TNFAIP2: variants seen among roughly 807,000 people sequenced by gnomAD.
TNFAIP2 encodes the protein tumor necrosis factor alpha-induced protein 2.
Under a neutral mutation model 63.5 loss-of-function variants are expected in TNFAIP2, and 47 were observed. The observed-to-expected ratio is 0.74, with a 90% CI of 0.59 to 0.94. TNFAIP2 has a LOEUF of 0.94. TNFAIP2 is among the 40% of genes least tolerant of loss of function. The pLI is 0.00. For synonymous variants in TNFAIP2, 405 were observed against 390.2 expected (o/e 1.04, Z -0.45); for missense variants, 787 against 850.2 (o/e 0.93, Z 0.92).
upstream of TNFAIP2, chr14:103,122,743 G>T (rs554252960): frequency 1.0e-4 from 46 of 455,990 alleles, no homozygotes; most frequent in South Asian, 7.1e-4. Context: ...TGCTCCGGCA[G>T]CCTGTGGGTC....
chr14:103,133,218 A>G, intron 9 of TNFAIP2, 144 bp from the exon 10 acceptor site: 1 of 1,040,826 alleles, frequency 9.6e-7, no homozygotes, highest in Non-Finnish European at 1.4e-6. Flanking sequence ...ATGTGAACGC[A>G]CACATGTGGA....
At chr14:103,128,427 C>T (rs528610069) in intron 3 of TNFAIP2, among the ~76,000 whole-genome samples, 108 of 152,288 alleles carry the variant, frequency 7.1e-4, no homozygotes, top group African/African-American at 2.2e-3. Flanking sequence ...TGGGCGTGCC[C>T]GTCATTCGCA....
chr14:103,135,874 G>T lies in TNFAIP2; in HGVS notation c.*514G>T. On this transcript the variant is annotated 3_prime_UTR_variant, in exon 12 of 12. Transcript: ENST00000560869. This position sits in a 1 kb window ranked among gnomAD's most constrained non-coding sequence, Gnocchi z 7.6. ...GAAGACAGAACTGGAAGAGAAAGAAGGAAAAGATGAGCTCTCGTCTGGCAG... is the reference window on the plus strand; with the variant it reads ...GAAGACAGAACTGGAAGAGAAAGAATGAAAAGATGAGCTCTCGTCTGGCAG... 7.7e-7 allele frequency: 1 copy of T among 1,290,388 alleles called. No homozygotes were observed. The highest frequency in any genetic ancestry group is 1.2e-5 in the South Asian group (1 of 81,038). The allele number at this position is 1,290,388 out of a possible 1,614,324, so 79.9% of individuals were successfully genotyped here. A position where few individuals can be genotyped will look rare whatever the true frequency, so the allele number is the denominator to read the frequency against.
Position 103,131,273 on chromosome 14 carries a change from T to C in TNFAIP2, c.1298+123T>C, listed in dbSNP as rs534257447. 8.6e-6 allele frequency: 9 copies of C among 1,050,264 alleles called. No homozygotes were observed. In the African/African-American group the frequency reaches 1.4e-4, roughly 16 times the overall value. 65.1% of individuals were successfully genotyped at this position (1,050,264 alleles called of 1,614,324 possible). A position where few individuals can be genotyped will look rare whatever the true frequency, so the allele number is the denominator to read the frequency against. On this transcript the variant is annotated intron_variant, in intron 7 of 11. Transcript: ENST00000560869. This position sits in a 1 kb window ranked among gnomAD's most constrained non-coding sequence, Gnocchi z 4.0. Reference sequence around the variant, plus strand: ...AAGTGGAATTCAAACCAGCAACATGTGTGAGGACTCCACGGCCTGCAGCAG... The same window carrying C: ...AAGTGGAATTCAAACCAGCAACATGCGTGAGGACTCCACGGCCTGCAGCAG...
Position 103,135,127 on chromosome 14 carries a change from G to A in TNFAIP2, c.1824-92G>A. ...CCCCCTCGTGGGCCGGGCGTTGGCT[G>A]TCGGGCCCTGTGGCACTGGCCGGGA... On this transcript the variant is annotated intron_variant, in intron 11 of 11. Transcript: ENST00000560869. This position sits in a 1 kb window ranked among gnomAD's most constrained non-coding sequence, Gnocchi z 7.6. 2 of 1,549,528 alleles carry A rather than the reference G, an allele frequency of 1.3e-6. No individual in the cohort carries two copies. Among genetic ancestry groups the A allele is most frequent in the Non-Finnish European group, 1.8e-6 (2 of 1,124,872 alleles).
chr14:103,133,020 AC>A, intron 9 of TNFAIP2, 148 bp downstream of exon 9: 1 of 1,327,870 alleles, frequency 7.5e-7, no homozygotes, highest in Non-Finnish European at 1.0e-6. Context: ...GAACACGTGC[AC>A]ATGTGAACAC....
At chr14:103,130,828 G>A (rs1203295281) in intron 6 of TNFAIP2, among the ~76,000 whole-genome samples, 1 of 152,340 alleles carries the variant, frequency 6.6e-6, no homozygotes, top group East Asian at 1.9e-4. Flanking sequence ...CAACTCTAGA[G>A]AGGGCCTGGG....
rs1218861943 is a variant in TNFAIP2, at chr14:103,135,419, G to T, written c.*59G>T. 2.3e-5 allele frequency: 36 copies of T among 1,549,894 alleles called. No homozygotes were observed. The highest frequency in any genetic ancestry group is 3.0e-5 in the Non-Finnish European group (35 of 1,151,276). ...CAGCAAGCCTTGGGCACACCCCGCT[G>T]GGAGCTGTTAAGAGCAGCGCTGGTT... On this transcript the variant is annotated 3_prime_UTR_variant, in exon 12 of 12. Coordinates refer to ENST00000560869, the MANE Select transcript of TNFAIP2 (RefSeq NM_006291.4). This position sits in a 1 kb window ranked among gnomAD's most constrained non-coding sequence, Gnocchi z 7.6.
intron 2 of TNFAIP2, 56 bp from the exon 3 acceptor site, chr14:103,126,948 GC>G: frequency 7.7e-7 from 1 of 1,291,342 alleles, no homozygotes; most frequent in Non-Finnish European, 9.8e-7. Context: ...GGCGCTGGCC[GC>G]CCCGCCCGGT....
In TNFAIP2 at chr14:103,135,794, A is replaced by G; in HGVS notation, c.*434A>G. 3.1e-6 allele frequency: 4 copies of G among 1,295,038 alleles called. No homozygotes were observed. Among genetic ancestry groups the G allele is most frequent in the Non-Finnish European group, 4.0e-6 (4 of 993,044 alleles). The allele number at this position is 1,295,038 out of a possible 1,614,324, so 80.2% of individuals were successfully genotyped here. ...TGGAGACAGGGGCCGAGCCTCACCC[A>G]TCTGCCCTCTGCAGCCCAGGGCCGC... On this transcript the variant is annotated 3_prime_UTR_variant, in exon 12 of 12. Coordinates refer to ENST00000560869, the MANE Select transcript of TNFAIP2 (RefSeq NM_006291.4). This position sits in a 1 kb window ranked among gnomAD's most constrained non-coding sequence, Gnocchi z 7.6.
At chr14:103,129,320 G>T (rs1486170129) in intron 3 of TNFAIP2, among the ~76,000 whole-genome samples, 2 of 152,204 alleles carry the variant, frequency 1.3e-5, no homozygotes, top group Non-Finnish European at 2.9e-5. Flanking sequence ...GCAGGAAGAA[G>T]ATCAGATCTT....
upstream of TNFAIP2, chr14:103,122,700 G>A (rs1470328493): frequency 8.8e-6 from 4 of 455,968 alleles, no homozygotes; most frequent in Non-Finnish European, 1.8e-5. Context: ...ACGAGGCCCT[G>A]GAGTCTGGGC....
chr14:103,130,254 C>T, intron 5 of TNFAIP2, 61 bp from the exon 6 acceptor site: 4 of 1,529,572 alleles, frequency 2.6e-6, no homozygotes, highest in Non-Finnish European at 3.5e-6. Context: ...TGTTTCCTCC[C>T]CGTCCCCTGC....
In TNFAIP2 at chr14:103,129,755, C is replaced by A; in HGVS notation, c.876C>A (p.Ser292Arg). 6.2e-7 allele frequency: 1 copy of A among 1,613,986 alleles called. No homozygotes were observed. The highest frequency in any genetic ancestry group is 8.5e-7 in the Non-Finnish European group (1 of 1,179,932). The change falls in exon 4 of 12, where the codon AGC (serine) becomes AGA (arginine). Residue 292 changes from serine to arginine, a missense_variant. By Grantham distance (110) the Ser-to-Arg change is moderately radical (BLOSUM62 -1). This residue lies in a region of TNFAIP2 where 523 missense variants were observed against 604.1 expected (regional missense o/e 0.87). Coordinates refer to ENST00000560869, the MANE Select transcript of TNFAIP2 (RefSeq NM_006291.4). The stretch of plus-strand genomic sequence containing the variant: ...CTGCCTGCAGTGACATCATCAACAG[C>A]CCCAAGCTGGTGGGTGAGCTGCAGG... ...QNLYPNDIIN[S>R]PKLVGELQGM...
At chr14:103,132,238 G>A (rs1409863517) in intron 8 of TNFAIP2, among the ~76,000 whole-genome samples, 2 of 152,272 alleles carry the variant, frequency 1.3e-5, no homozygotes, top group East Asian at 1.9e-4. Context: ...TCTGTTATGG[G>A]CCAAGAAATC....
chr14:103,135,289 A>G lies in TNFAIP2; in HGVS notation c.1894A>G (p.Ser632Gly). ...LSNSEVKRIR[S>G]ILDVSMGAQE... is the part of the protein sequence containing the mutation. ...CAACAGTGAGGTCAAGCGCATCCGG[A>G]GCATCTTGGACGTCAGCATGGGGGC... Residue 632 changes from serine to glycine, a missense_variant, in exon 12 of 12, where the codon AGC (serine) becomes GGC (glycine). By Grantham distance (56) the Ser-to-Gly change is moderately conservative. Transcript: ENST00000560869. This position sits in a 1 kb window ranked among gnomAD's most constrained non-coding sequence, Gnocchi z 7.6. 6.2e-7 allele frequency: 1 copy of G among 1,613,936 alleles called. No individual in the cohort carries two copies. The highest frequency in any genetic ancestry group is 8.5e-7 in the Non-Finnish European group (1 of 1,179,958).
In TNFAIP2 at chr14:103,131,695, GC is replaced by G; in HGVS notation, c.1360del (p.Leu454TrpfsTer20). Reference sequence around the variant, plus strand: ...CAGGACACCCTGAGCCTCCTGCTGGGCCCCCTGGGTGAGCTCAAGAGCCACG... The same window carrying G: ...CAGGACACCCTGAGCCTCCTGCTGGGCCCCTGGGTGAGCTCAAGAGCCACG... ...VPQDTLSLLL[G>X]PLGELKSHGF... On this transcript the variant is annotated frameshift_variant, in exon 8 of 12. Coordinates refer to ENST00000560869, the MANE Select transcript of TNFAIP2 (RefSeq NM_006291.4). LOFTEE classifies it high-confidence loss of function. The surrounding 1 kb of genome is among the most constrained non-coding windows in gnomAD (Gnocchi z 4.0). 4 of 1,609,404 alleles carry G rather than the reference GC, an allele frequency of 2.5e-6. No individual in the cohort carries two copies.
rs1221983056 is a variant in TNFAIP2, at chr14:103,133,512, C to T, written c.1696C>T (p.Gln566Ter). The part of the protein sequence containing the change: ...NADTIQHFCT[Q>*]HGSPATWLQP... ...TGACACCATCCAGCACTTCTGCACC[C>T]AGCACGTAAGCCGCTGCCCACCTCT... The change falls in exon 10 of 12, where the codon CAG becomes TAG. Residue 566 changes from glutamine (Q) to a stop codon, truncating the protein, a stop_gained. Coordinates refer to ENST00000560869, the MANE Select transcript of TNFAIP2 (RefSeq NM_006291.4). LOFTEE classifies it high-confidence loss of function. The T allele has an allele frequency of 5.6e-6, 9 of 1,613,462 alleles. No homozygotes were observed. Among genetic ancestry groups the T allele is most frequent in the Non-Finnish European group, 6.8e-6 (8 of 1,179,694 alleles).
chr14:103,130,528 C>G, intron 6 of TNFAIP2, 113 bp downstream of exon 6: 1 of 999,846 alleles, frequency 1.0e-6, no homozygotes, highest in Non-Finnish European at 1.5e-6. Flanking sequence ...ACCCCTGTCC[C>G]TGTCATTCTG....
Sources: gnomAD v4.1 joint callset for allele counts (sites outside exome capture counted in the v4.1 genomes callset) on GRCh38, gnomAD v4.1.1 for gene constraint, gnomAD v4.1.1 regional missense constraint, Gnocchi (gnomAD v3.1) non-coding constraint, MANE v1.5 for transcripts, NCBI Gene and HGNC (gene_info 2026-07-23, HGNC 2026-07-21) for gene names.